DIP2A: variants seen among roughly 807,000 people sequenced by gnomAD.
The protein encoded by DIP2A is DIP2 acetate--CoA ligase A.
DIP2A carries 85 observed loss-of-function variants against 177.4 expected under a neutral mutation model. The observed-to-expected ratio is 0.48, with a 90% CI of 0.40 to 0.57. The LOEUF (loss-of-function observed/expected upper bound fraction) is 0.57, where lower values mean the gene tolerates loss of function less well. DIP2A is among the 20% of genes least tolerant of loss of function. The probability of loss-of-function intolerance (pLI) is 0.00; values close to 1 mark genes in which losing one functional copy is unlikely to be tolerated. For missense variants in DIP2A, 1,791 were observed against 2,100.2 expected (o/e 0.85, Z 2.88); for synonymous variants, 886 against 881.8 (o/e 1.00, Z -0.08).
rs58546395 is a variant in DIP2A at position 46,464,844 on chromosome 21, T to TTCC, written c.91+5622_91+5623insTCC. ...TTTTTTTTTTTTTTTTTTTTTTTTT[T>TTCC]CAAGAAAACACACAACAAATGTCAG... On this transcript the variant is annotated intron_variant, in intron 1 of 37. Coordinates refer to ENST00000417564, the MANE Select transcript of DIP2A (RefSeq NM_015151.4). 1.5e-4 allele frequency among the ~76,000 whole-genome samples: 17 copies of TTCC among 111,232 alleles called. 1 individual carries two copies. The highest frequency in any genetic ancestry group is 6.3e-4 in the African/African-American group (15 of 23,996). The allele number at this position is 111,232 out of a possible 152,430, so 73.0% of individuals were successfully genotyped here. A position where few individuals can be genotyped will look rare whatever the true frequency, so the allele number is the denominator to read the frequency against.
chr21:46,580,485 T>C, the DIP2A span, among the ~76,000 whole-genome samples: 1 of 152,244 alleles, frequency 6.6e-6, no homozygotes, highest in South Asian at 2.1e-4. Context: ...GATCCTGTCA[T>C]CATAATGCTA....
intron 1 of DIP2A, among the ~76,000 whole-genome samples, chr21:46,460,263 G>C (rs1307395132): frequency 6.6e-6 from 1 of 152,132 alleles, no homozygotes; most frequent in Non-Finnish European, 1.5e-5. Flanking sequence ...CTTCAGAGGT[G>C]GTGGGTGGCA....
chr21:46,481,042 G>T (rs909215938), intron 1 of DIP2A, among the ~76,000 whole-genome samples: 4 of 152,194 alleles, frequency 2.6e-5, no homozygotes, highest in Non-Finnish European at 5.9e-5. Context: ...CTAGGTGGCA[G>T]AGCGAGACCC....
At chr21:46,565,946 A>T (rs2060823791) in intron 36 of DIP2A, 59 bp downstream of exon 36, 4 of 1,579,854 alleles carry the variant, frequency 2.5e-6, no homozygotes, top group Non-Finnish European at 2.6e-6. Flanking sequence ...TGGGCTCCCC[A>T]AGAGCTTAGT....
intron 1 of DIP2A, among the ~76,000 whole-genome samples, chr21:46,470,887 C>A (rs1332256052): frequency 6.7e-6 from 1 of 149,088 alleles, no homozygotes; most frequent in Non-Finnish European, 1.5e-5. Flanking sequence ...CAAGATAATA[C>A]CACTGCACTC....
chr21:46,488,798 T>C (rs770010865), intron 2 of DIP2A, among the ~76,000 whole-genome samples: 3 of 152,246 alleles, frequency 2.0e-5, no homozygotes, highest in Non-Finnish European at 2.9e-5. Context: ...GTTAAAAATA[T>C]ATCTACTCCT....
intron 28 of DIP2A, chr21:46,555,604 G>A (rs181557387): frequency 1.7e-4 from 42 of 246,658 alleles, no homozygotes; most frequent in Admixed American, 7.3e-4. Flanking sequence ...CCCAGAGCCC[G>A]TCCACAGCTA....
intron 35 of DIP2A, among the ~76,000 whole-genome samples, chr21:46,565,261 G>T (rs2060800366): frequency 6.6e-6 from 1 of 152,248 alleles, no homozygotes; most frequent in Non-Finnish European, 1.5e-5. Context: ...TGGGGCTGAC[G>T]TTAACCCTGG....
At chr21:46,554,553 C>G in intron 26 of DIP2A, 22 bp from the exon 27 acceptor site, 1 of 1,608,596 alleles carries the variant, frequency 6.2e-7, no homozygotes, top group Non-Finnish European at 8.5e-7. Context: ...GGCCTCCTCA[C>G]AGCCAGTCCT....
rs1466229338 is a variant in DIP2A, at chr21:46,557,591, C to T, written c.3636C>T (p.Tyr1212=). 2.5e-6 allele frequency: 4 copies of T among 1,611,436 alleles called. No individual in the cohort carries two copies. The highest frequency in any genetic ancestry group is 3.4e-6 in the Non-Finnish European group (4 of 1,178,612). Residue 1212 remains tyrosine (Y), a synonymous_variant, in exon 31 of 38, where the codon TAC becomes TAT. Coordinates refer to ENST00000417564, the MANE Select transcript of DIP2A (RefSeq NM_015151.4). This position sits in a 1 kb window ranked among gnomAD's most constrained non-coding sequence, Gnocchi z 6.0. The stretch of plus-strand genomic sequence containing the variant: ...CGAGCCTTCCCTCTCGCAGTGTCTA[C>T]TCGGGACACCAATCAGTGCTGGTGC... The part of the protein sequence containing the change: ...GFALWCLCSV[Y]SGHQSVLVPP...
rs1262392809 is a variant in DIP2A at position 46,565,797 on chromosome 21, C to T, written c.4249C>T (p.Arg1417Trp). Residue 1417 changes from arginine (R) to tryptophan (W), a missense_variant, in exon 36 of 38, where the codon CGG (arginine) becomes TGG (tryptophan). Coordinates refer to ENST00000417564, the MANE Select transcript of DIP2A (RefSeq NM_015151.4). ...GCTTCATGCCGACCACTTCAGTGCC[C>T]GGCTGAGTTTTGGAGACACACAGAC... Reference protein sequence around the residue: ...EALHADHFSARLSFGDTQTIW... With the variant: ...EALHADHFSAWLSFGDTQTIW... 6 of 1,613,966 alleles carry T rather than the reference C, an allele frequency of 3.7e-6. No homozygotes were observed. Among genetic ancestry groups the T allele is most frequent in the South Asian group, 1.1e-5 (1 of 91,074 alleles).
In DIP2A at chr21:46,566,695, G is replaced by A. The variant is rs372263689; in HGVS notation, c.4463+12G>A. 6.2e-7 allele frequency: 1 copy of A among 1,613,904 alleles called. No homozygotes were observed. Among genetic ancestry groups the A allele is most frequent in the Non-Finnish European group, 8.5e-7 (1 of 1,179,928 alleles). ...AGCATCGCTGAGTGGTAAGAGCCCA[G>A]GTGGAGGGCGGCTTCACGTGGTCCC... On this transcript the variant is annotated intron_variant, in intron 37 of 37. Coordinates refer to ENST00000417564, the MANE Select transcript of DIP2A (RefSeq NM_015151.4).
In DIP2A at chr21:46,546,282, C is replaced by A. The variant is rs557966417; in HGVS notation, c.2394+321C>A. 82 of 1,123,132 alleles carry A rather than the reference C, an allele frequency of 7.3e-5. 1 individual carries two copies. The Admixed American group carries it at 1.2e-3, about 16-fold the overall frequency. The allele number at this position is 1,123,132 out of a possible 1,614,324, so 69.6% of individuals were successfully genotyped here. On this transcript the variant is annotated intron_variant, in intron 20 of 37. Coordinates refer to ENST00000417564, the MANE Select transcript of DIP2A (RefSeq NM_015151.4). ...TACCATTTTGGATGTCTAAACTATT[C>A]AAAAATAAATGCTTCTATTTGTAAC...
At chr21:46,550,208 A>G (rs574052171) in intron 22 of DIP2A, 2 of 745,884 alleles carry the variant, frequency 2.7e-6, no homozygotes, top group South Asian at 2.1e-5. Flanking sequence ...TCTGTGCAAT[A>G]TATCTCAAAG....
chr21:46,551,925 CG>C, intron 25 of DIP2A, 21 bp downstream of exon 25: 1 of 1,580,318 alleles, frequency 6.3e-7, no homozygotes, highest in Non-Finnish European at 8.6e-7. Flanking sequence ...GTCACGCCCA[CG>C]GGGCTTGGAA....
At position 46,558,360 on chromosome 21, in the gene DIP2A, C is replaced by A; in HGVS notation, c.3936C>A (p.Phe1312Leu). 6.2e-7 allele frequency: 1 copy of A among 1,602,984 alleles called. No individual in the cohort carries two copies. Among genetic ancestry groups the A allele is most frequent in the Non-Finnish European group, 8.5e-7 (1 of 1,175,882 alleles). ...GLPARAVSTT[F>L]GCRVNVAICL... ...CGGCCCGCGCCGTAAGCACCACGTT[C>A]GGGTGCAGGGTCAACGTGGCCATCT... The change falls in exon 32 of 38, where the codon TTC (phenylalanine) becomes TTA (leucine). Residue 1312 changes from phenylalanine (F) to leucine (L), a missense_variant. Transcript: ENST00000417564.
At chr21:46,470,866 T>C (rs1456281509) in intron 1 of DIP2A, among the ~76,000 whole-genome samples, 2 of 148,968 alleles carry the variant, frequency 1.3e-5, no homozygotes, top group African/African-American at 5.0e-5. Context: ...GAGGCGGAGG[T>C]TGCAGTGAGC....
intron 8 of DIP2A, among the ~76,000 whole-genome samples, chr21:46,528,568 T>TTTTTTTTTTTTTTTTTA (rs1569043246): frequency 4.4e-5 from 4 of 90,576 alleles, no homozygotes; most frequent in Non-Finnish European, 7.0e-5. Flanking sequence ...TTTTTTTTTT[T>TTTTTTTTTTTTTTTTTA]AGATAATGTC....
intron 1 of DIP2A, among the ~76,000 whole-genome samples, chr21:46,460,851 G>A (rs1005259994): frequency 2.6e-4 from 39 of 151,874 alleles, no homozygotes; most frequent in African/African-American, 8.9e-4. Context: ...TTGCCACCAC[G>A]CCCAGCTAAT....
Sources: allele counts gnomAD v4.1 joint callset (sites outside exome capture counted in the v4.1 genomes callset), GRCh38; gene constraint gnomAD v4.1.1; non-coding constraint Gnocchi (gnomAD v3.1); transcripts MANE v1.5; gene names NCBI Gene and HGNC (gene_info 2026-07-23, HGNC 2026-07-21).